RWDD3: variants seen among roughly 807,000 people sequenced by gnomAD.
RWDD3 encodes RWD domain-containing protein 3.
A neutral mutation model predicts 26.5 loss-of-function variants in RWDD3; 30 were observed. The ratio of observed to expected loss-of-function variants is 1.13; its 90% CI spans 0.85 to 1.54. The LOEUF (loss-of-function observed/expected upper bound fraction) is 1.54, where lower values mean the gene tolerates loss of function less well. RWDD3 is among the 40% of genes most tolerant of loss of function. RWDD3 has a pLI of 0.00. For synonymous variants in RWDD3, 113 were observed against 114.5 expected (o/e 0.99, Z 0.09); for missense variants, 296 against 309.1 (o/e 0.96, Z 0.32).
chr1:95,245,840 G>C (rs1337321046), intron 2 of RWDD3, among the ~76,000 whole-genome samples: 2 of 152,126 alleles, frequency 1.3e-5, no homozygotes, highest in Non-Finnish European at 2.9e-5. Flanking sequence ...CTGTTTTGCA[G>C]ATGTTCTTAC....
At chr1:95,235,540 A>G (rs887765601) in intron 1 of RWDD3, among the ~76,000 whole-genome samples, 2 of 149,414 alleles carry the variant, frequency 1.3e-5, no homozygotes, top group African/African-American at 5.0e-5. Flanking sequence ...TTGTATTTTT[A>G]GTAGAGACGG....
At chr1:95,242,933 T>G (rs569773112) in intron 1 of RWDD3, among the ~76,000 whole-genome samples, 2 of 151,972 alleles carry the variant, frequency 1.3e-5, no homozygotes, top group East Asian at 3.9e-4. Context: ...AAAAAAAGAA[T>G]AAGTAACTAG....
At position 95,244,567 on chromosome 1, in the gene RWDD3, C is replaced by T. The variant is rs374173732; in HGVS notation, c.442C>T (p.His148Tyr). 6.2e-7 allele frequency: 1 copy of T among 1,614,152 alleles called. No individual in the cohort carries two copies. The highest frequency in any genetic ancestry group is 8.5e-7 in the Non-Finnish European group (1 of 1,180,028). ...GTGGATAACTCTTTTGCATTTAGAT[C>T]ACATGAGAGCAAAGACTAAATATGT... ...GLWITLLHLD[H>Y]MRAKTKYVKI... Residue 148 changes from histidine to tyrosine, a missense_variant, in exon 2 of 4, where the codon CAC becomes TAC. By Grantham distance (83) the His-to-Tyr change is moderately conservative (BLOSUM62 2). Coordinates refer to ENST00000370202, the MANE Select transcript of RWDD3 (RefSeq NM_015485.5).
Position 95,244,703 on chromosome 1 carries a change from CA to C in RWDD3, c.573+10del. 1 of 1,609,196 alleles carries C rather than the reference CA, an allele frequency of 6.2e-7. No individual in the cohort carries two copies. The highest frequency in any genetic ancestry group is 8.5e-7 in the Non-Finnish European group (1 of 1,178,142). ...GGAGACAGAAACAACCTCAAGGTGC[CA>C]AAAAGTTAAATGTTGAGTATGAATC... On this transcript the variant is annotated splice_donor_region_variant and intron_variant, in intron 2 of 3. Transcript: ENST00000370202.
intron 1 of RWDD3, among the ~76,000 whole-genome samples, chr1:95,235,007 C>T (rs776938890): frequency 1.3e-5 from 2 of 151,782 alleles, no homozygotes; most frequent in East Asian, 1.9e-4. Flanking sequence ...ATCACAGGCG[C>T]GTGCCACCAT....
At chr1:95,238,621 A>AG (rs1008934876) in intron 1 of RWDD3, among the ~76,000 whole-genome samples, 4 of 5,670 alleles carry the variant, frequency 7.1e-4, no homozygotes, top group African/African-American at 1.2e-3. Context: ...AATTGCAAAG[A>AG]AAAAAAACAC....
intron 2 of RWDD3, chr1:95,245,014 T>C (rs1443691466): frequency 3.8e-6 from 1 of 264,070 alleles, no homozygotes; most frequent in African/African-American, 2.3e-5. Context: ...ATTTTATAAA[T>C]GTGCACTAAA....
rs112580129 is a variant in RWDD3, at chr1:95,234,698, C to T, written c.85+383C>T. 2.6e-3 allele frequency among the ~76,000 whole-genome samples: 398 copies of T among 151,562 alleles called. 1 individual carries two copies. The highest frequency in any genetic ancestry group is 4.4e-3 in the Non-Finnish European group (298 of 67,878). ...CCTTCCTAAGCACTATGCCCTAGGC[C>T]CCCCCGAGAGCACTCCCCGGTTCTA... On this transcript the variant is annotated intron_variant, in intron 1 of 3. Coordinates refer to ENST00000370202, the MANE Select transcript of RWDD3 (RefSeq NM_015485.5).
chr1:95,245,500 G>A (rs977403629), intron 2 of RWDD3, among the ~76,000 whole-genome samples: 2 of 152,124 alleles, frequency 1.3e-5, no homozygotes, highest in African/African-American at 4.8e-5. Context: ...ATTTATTTAA[G>A]ACAAATCTTA....
In RWDD3 at chr1:95,245,157, C is replaced by T. The variant is rs1680801458; in HGVS notation, c.573+459C>T. 1.3e-5 allele frequency among the ~76,000 whole-genome samples: 2 copies of T among 152,096 alleles called. 1 individual carries two copies. Among genetic ancestry groups the T allele is most frequent in the Middle Eastern group, 6.3e-3 (2 of 316 alleles). ...CACTTTAATTTGGTATCTATAATAC[C>T]TGGAAAGAGGAGCTTGTCTGTTATA... On this transcript the variant is annotated intron_variant, in intron 2 of 3. Transcript: ENST00000370202.
At chr1:95,244,801 A>G in intron 2 of RWDD3, 103 bp downstream of exon 2, 1 of 1,279,664 alleles carries the variant, frequency 7.8e-7, no homozygotes, top group Non-Finnish European at 1.1e-6. Flanking sequence ...AATTATTAAG[A>G]TGTTTCTGCT....
In RWDD3 at chr1:95,244,307, A is replaced by C. The variant is rs767892731; in HGVS notation, c.182A>C (p.Tyr61Ser). The C allele has an allele frequency of 2.2e-5, 36 of 1,614,090 alleles. No homozygotes were observed. The highest frequency in any genetic ancestry group is 1.6e-4 in the Middle Eastern group (1 of 6,084). ...TTGGTGTTCCATTTGCCAGTCAATTATCCTTCATGTCTACCTGGTATCTCG... is the reference window on the plus strand; with the variant it reads ...TTGGTGTTCCATTTGCCAGTCAATTCTCCTTCATGTCTACCTGGTATCTCG... ...LELVFHLPVN[Y>S]PSCLPGISIN... The change falls in exon 2 of 4, where the codon TAT becomes TCT. Residue 61 changes from tyrosine (Y) to serine (S), a missense_variant. Physicochemically the swap from Tyr to Ser is moderately radical, Grantham distance 144 (BLOSUM62 -2). Transcript: ENST00000370202.
intron 1 of RWDD3, among the ~76,000 whole-genome samples, chr1:95,241,996 G>A (rs1052012800): frequency 6.6e-6 from 1 of 152,000 alleles, no homozygotes; most frequent in Non-Finnish European, 1.5e-5. Flanking sequence ...CTATCAACTC[G>A]AGGTAAAGAG....
chr1:95,236,828 C>G (rs3767318), intron 1 of RWDD3, among the ~76,000 whole-genome samples: 11,389 of 152,166 alleles, frequency 0.075, 579 homozygotes, highest in Non-Finnish European at 0.095. Context: ...CCTTAAAGAA[C>G]TGGTAATGGT....
upstream of RWDD3, chr1:95,234,201 G>T: frequency 6.4e-7 from 1 of 1,561,206 alleles, no homozygotes; most frequent in African/African-American, 1.4e-5. Context: ...CAGCGGAAGG[G>T]GAAGCGCTGA....
At chr1:95,244,804 T>C in intron 2 of RWDD3, 106 bp downstream of exon 2, 1 of 1,261,736 alleles carries the variant, frequency 7.9e-7, no homozygotes, top group Non-Finnish European at 1.1e-6. Context: ...TATTAAGATG[T>C]TTCTGCTTTC....
chr1:95,240,125 G>C (rs776794837), intron 1 of RWDD3, among the ~76,000 whole-genome samples: 1 of 152,110 alleles, frequency 6.6e-6, no homozygotes, highest in Non-Finnish European at 1.5e-5. Flanking sequence ...TCTCGAAATC[G>C]TTAACTTAAT....
intron 1 of RWDD3, among the ~76,000 whole-genome samples, chr1:95,239,471 A>G (rs765710906): frequency 6.6e-6 from 1 of 152,174 alleles, no homozygotes; most frequent in Non-Finnish European, 1.5e-5. Flanking sequence ...TTGGGAGAAA[A>G]TGAGTTTTTA....
intron 1 of RWDD3, chr1:95,243,502 A>T (rs748368531): frequency 1.3e-5 from 2 of 152,288 alleles, no homozygotes; most frequent in African/African-American, 4.8e-5. Flanking sequence ...TGTGGAACAC[A>T]TCAGAGGGTG....
Sources: allele counts gnomAD v4.1 joint callset (sites outside exome capture counted in the v4.1 genomes callset), GRCh38; gene constraint gnomAD v4.1.1; transcripts MANE v1.5; gene names NCBI Gene and HGNC (gene_info 2026-07-23, HGNC 2026-07-21).